DYNC2H1: variants seen among roughly 807,000 people sequenced by gnomAD.
DYNC2H1 encodes cytoplasmic dynein 2 heavy chain 1.
A neutral mutation model predicts 570.0 loss-of-function variants in DYNC2H1; 410 were observed. The observed-to-expected ratio is 0.72, with a 90% CI of 0.66 to 0.78. The LOEUF is 0.78. DYNC2H1 is among the 30% of genes least tolerant of loss of function. The probability of loss-of-function intolerance (pLI) is 0.00; values close to 1 mark genes in which losing one functional copy is unlikely to be tolerated. For synonymous variants in DYNC2H1, 1,688 were observed against 1,677.6 expected (o/e 1.01, Z -0.15); for missense variants, 4,865 against 5,046.4 (o/e 0.96, Z 1.09).
At chr11:103,390,970 G>GTGTT (rs1304672230) in intron 83 of DYNC2H1, among the ~76,000 whole-genome samples, 1 of 152,084 alleles carries the variant, frequency 6.6e-6, no homozygotes, top group Non-Finnish European at 1.5e-5. Context: ...TGACAATTAT[G>GTGTT]TGTTTTGGAG....
At chr11:103,304,517 TA>T (rs1429169088) in intron 76 of DYNC2H1, 77 bp from the exon 77 acceptor site, 4 of 1,446,340 alleles carry the variant, frequency 2.8e-6, no homozygotes, top group Middle Eastern at 3.8e-4. Context: ...GGATTACTAT[TA>T]TTGAATCTCA....
intron 75 of DYNC2H1, among the ~76,000 whole-genome samples, chr11:103,288,684 T>TTAAAAAAAAAAAAA (rs1401919829): frequency 7.2e-5 from 2 of 27,902 alleles, no homozygotes; most frequent in African/African-American, 3.2e-4. Context: ...CCGTCTCTAC[T>TTAAAAAAAAAAAAA]AAAAAAAAAA....
chr11:103,460,591 G>C (rs926831921), intron 87 of DYNC2H1, among the ~76,000 whole-genome samples: 6 of 151,752 alleles, frequency 4.0e-5, no homozygotes, highest in African/African-American at 1.5e-4. Flanking sequence ...CTGAGCCTTG[G>C]CTGTCACAGT....
At chr11:103,258,588 G>A (rs568903507) in intron 69 of DYNC2H1, among the ~76,000 whole-genome samples, 3 of 152,276 alleles carry the variant, frequency 2.0e-5, no homozygotes, top group African/African-American at 7.2e-5. Context: ...AGGACTTGAC[G>A]ACAGGACTGC....
intron 87 of DYNC2H1, among the ~76,000 whole-genome samples, chr11:103,459,531 G>GGA (rs1412246076): frequency 6.6e-6 from 1 of 152,034 alleles, no homozygotes; most frequent in East Asian, 1.9e-4. Context: ...GCCTATAATA[G>GGA]GAGAGGCACT....
chr11:103,328,469 A>G (rs961696808), intron 82 of DYNC2H1, among the ~76,000 whole-genome samples: 1 of 152,226 alleles, frequency 6.6e-6, no homozygotes, highest in Non-Finnish European at 1.5e-5. Context: ...TTGATTTGAC[A>G]CCATGCCTGT....
intron 82 of DYNC2H1, among the ~76,000 whole-genome samples, chr11:103,340,186 G>A (rs949810251): frequency 2.0e-5 from 3 of 152,154 alleles, no homozygotes; most frequent in African/African-American, 7.2e-5. Flanking sequence ...GTTGATAGTT[G>A]TTTAATTTGG....
intron 40 of DYNC2H1, 77 bp from the exon 41 acceptor site, chr11:103,184,819 C>T: frequency 6.8e-7 from 1 of 1,462,904 alleles, no homozygotes; most frequent in East Asian, 2.4e-5. Flanking sequence ...GGTATGTGAA[C>T]ATCAGTCTGT....
In DYNC2H1 at chr11:103,369,419, C is replaced by G. The variant is rs1288373276; in HGVS notation, c.12156+11060C>G. The stretch of plus-strand genomic sequence containing the variant: ...TTCAATTCCTATGTGAGTAATGCTG[C>G]TGAACTAGGCCCAGAGACAGTGAAC... On this transcript the variant is annotated intron_variant, in intron 83 of 88. Transcript: ENST00000375735. The surrounding 1 kb of genome is among the most constrained non-coding windows in gnomAD (Gnocchi z 4.0). Among the ~76,000 whole-genome samples the G allele has an allele frequency of 6.6e-6, 1 of 152,122 alleles. No homozygotes were observed. Among genetic ancestry groups the G allele is most frequent in the Non-Finnish European group, 1.5e-5 (1 of 68,024 alleles).
chr11:103,269,398 G>GT (rs1434715287), intron 70 of DYNC2H1, among the ~76,000 whole-genome samples: 1 of 152,120 alleles, frequency 6.6e-6, no homozygotes, highest in Non-Finnish European at 1.5e-5. Context: ...AGCTTTTAGG[G>GT]TTTTTAGCAG....
intron 47 of DYNC2H1, 94 bp downstream of exon 47, chr11:103,192,358 T>A: frequency 1.1e-6 from 1 of 905,130 alleles, no homozygotes; most frequent in Non-Finnish European, 1.5e-6. Context: ...TCTAAACAAA[T>A]AAAAACTTTG....
Position 103,204,716 on chromosome 11 carries a change from T to G in DYNC2H1, c.8312-106T>G. The G allele has an allele frequency of 1.3e-6, 1 of 789,916 alleles. No individual in the cohort carries two copies. The highest frequency in any genetic ancestry group is 1.9e-6 in the Non-Finnish European group (1 of 515,498). The allele number at this position is 789,916 out of a possible 1,614,324, so 48.9% of individuals were successfully genotyped here. ...ATAATATTGTTTTATATTGTGCTCG[T>G]TTTAAGAAACAACTCCTACTATTTC... is the stretch of plus-strand genomic sequence containing the variant. On this transcript the variant is annotated intron_variant, in intron 51 of 88. Coordinates refer to ENST00000375735, the MANE Select transcript of DYNC2H1 (RefSeq NM_001377.3). This position sits in a 1 kb window ranked among gnomAD's most constrained non-coding sequence, Gnocchi z 4.1.
rs114863482 is a variant in DYNC2H1 at position 103,463,361 on chromosome 11, G to A, written c.12649-5228G>A. Among the ~76,000 whole-genome samples the A allele has an allele frequency of 4.3e-3, 653 of 152,284 alleles. 6 individuals are homozygous for A. Among genetic ancestry groups the A allele is most frequent in the African/African-American group, 0.015 (634 of 41,574 alleles). The stretch of plus-strand genomic sequence containing the variant: ...TTTTAAAGTAAAAGGAATTAGTAGT[G>A]CTAAATGTTACATAGGACTATAACC... On this transcript the variant is annotated intron_variant, in intron 87 of 88. Coordinates refer to ENST00000375735, the MANE Select transcript of DYNC2H1 (RefSeq NM_001377.3).
In DYNC2H1 at chr11:103,305,874, A is replaced by G. The variant is rs898493445; in HGVS notation, c.11382+1154A>G. Among the ~76,000 whole-genome samples, 3 of 152,182 alleles carry G rather than the reference A, an allele frequency of 2.0e-5. No homozygotes were observed. Among genetic ancestry groups the G allele is most frequent in the Non-Finnish European group, 4.4e-5 (3 of 68,026 alleles). Reference sequence around the variant, plus strand: ...CTTTCTGTAAAAATTACTAATGTGTAAAAATATAAAATTTATGTCTGATAA... The same window carrying G: ...CTTTCTGTAAAAATTACTAATGTGTGAAAATATAAAATTTATGTCTGATAA... On this transcript the variant is annotated intron_variant, in intron 77 of 88. Transcript: ENST00000375735. The surrounding 1 kb of genome is among the most constrained non-coding windows in gnomAD (Gnocchi z 4.3).
chr11:103,456,027 A>G (rs556080574), intron 86 of DYNC2H1, among the ~76,000 whole-genome samples: 1 of 152,194 alleles, frequency 6.6e-6, no homozygotes, highest in African/African-American at 2.4e-5. Context: ...CATGGTCAAA[A>G]CAGGATTTAA....
chr11:103,176,494 A>T, intron 37 of DYNC2H1, 60 bp downstream of exon 37: 2 of 1,258,956 alleles, frequency 1.6e-6, no homozygotes, highest in Non-Finnish European at 2.1e-6. Context: ...TTCCTTATTA[A>T]CTATCCTTGT....
At chr11:103,427,871 G>A (rs747850615) in intron 84 of DYNC2H1, among the ~76,000 whole-genome samples, 11 of 151,786 alleles carry the variant, frequency 7.2e-5, no homozygotes, top group African/African-American at 1.2e-4. Flanking sequence ...TAACTAAATC[G>A]CTTTTTAAAA....
At chr11:103,426,358 C>G (rs951717399) in intron 84 of DYNC2H1, among the ~76,000 whole-genome samples, 12 of 152,132 alleles carry the variant, frequency 7.9e-5, no homozygotes, top group Non-Finnish European at 1.5e-4. Flanking sequence ...TCTTTAATTC[C>G]TCTAGCCTTG....
At chr11:103,303,463 G>T (rs1464007522) in intron 76 of DYNC2H1, among the ~76,000 whole-genome samples, 1 of 152,136 alleles carries the variant, frequency 6.6e-6, no homozygotes, top group Non-Finnish European at 1.5e-5. Context: ...GGGAAGAGTA[G>T]CCTGGATTAG....
Sources: gnomAD v4.1 joint callset for allele counts (sites outside exome capture counted in the v4.1 genomes callset) on GRCh38, gnomAD v4.1.1 for gene constraint, Gnocchi (gnomAD v3.1) non-coding constraint, MANE v1.5 for transcripts, NCBI Gene and HGNC (gene_info 2026-07-23, HGNC 2026-07-21) for gene names.